WDFY3: variants seen among roughly 807,000 people sequenced by gnomAD.
The protein encoded by WDFY3 is WD repeat and FYVE domain containing 3.
In WDFY3, 66 loss-of-function variants were observed where a neutral mutation model predicts 409.6. The observed-to-expected ratio is 0.16, with a 90% CI of 0.13 to 0.20. The LOEUF is 0.20. WDFY3 is among the 10% of genes least tolerant of loss of function. The probability of loss-of-function intolerance (pLI) is 1.00; values close to 1 mark genes in which losing one functional copy is unlikely to be tolerated. For synonymous variants in WDFY3, 1,521 were observed against 1,537.1 expected, an observed-to-expected ratio of 0.99 and a Z score of 0.25; for missense variants, 3,031 against 4,298.1, an observed-to-expected ratio of 0.71 and a Z score of 8.24.
In WDFY3 at chr4:84,726,347, C is replaced by T. The variant is rs141000269; in HGVS notation, c.7272+514G>A. On this transcript the variant is annotated intron_variant, in intron 45 of 67. Transcript: ENST00000295888. ...CTTTCATCTTTCTGGAATACAAAAA[C>T]GATAATTAACTTTTCTACTAATTAA... is the stretch of plus-strand genomic sequence containing the variant. Among the ~76,000 whole-genome samples, 13 of 151,938 alleles carry T rather than the reference C, an allele frequency of 8.6e-5. No individual in the cohort carries two copies. In the East Asian group the frequency reaches 1.9e-3, roughly 23 times the overall value.
rs146013206 is a variant in WDFY3, at chr4:84,698,322, C to T, written c.8597-1499G>A. On this transcript the variant is annotated intron_variant, in intron 56 of 67. Transcript: ENST00000295888. ...TTTTTTGAGACAGGGTCTTGCTCTG[C>T]TGTCCAGCCTGGAGTGCAGTGGTAT... Among the ~76,000 whole-genome samples the T allele has an allele frequency of 6.3e-3, 941 of 149,838 alleles. 11 individuals are homozygous for T. Among genetic ancestry groups the T allele is most frequent in the African/African-American group, 0.022 (878 of 40,734 alleles).
At chr4:84,702,531 C>CCAGAA in intron 55 of WDFY3, 25 bp from the exon 56 acceptor site, 1 of 1,553,944 alleles carries the variant, frequency 6.4e-7, no homozygotes, top group Non-Finnish European at 8.7e-7. Flanking sequence ...AGACACCTCT[C>CCAGAA]TATTAGAGAA....
chr4:84,794,516 G>T lies in WDFY3; in HGVS notation c.3487+3C>A. The T allele has an allele frequency of 1.9e-6, 3 of 1,610,976 alleles. No homozygotes were observed. Among genetic ancestry groups the T allele is most frequent in the South Asian group, 2.2e-5 (2 of 89,948 alleles). The stretch of plus-strand genomic sequence containing the variant: ...AAAGAAGAAAACAAAAAAAAATACT[G>T]ACCATAATTTTGGAGGAGTTCCTCT... On this transcript the variant is annotated splice_donor_region_variant and intron_variant, in intron 21 of 67. Coordinates refer to ENST00000295888, the MANE Select transcript of WDFY3 (RefSeq NM_014991.6).
At chr4:84,717,498 A>G (rs1453478309) in intron 48 of WDFY3, among the ~76,000 whole-genome samples, 1 of 152,204 alleles carries the variant, frequency 6.6e-6, no homozygotes. Context: ...AATATCTCCT[A>G]GGAATGAACT....
At chr4:84,798,176 C>G (rs1415475777) in intron 17 of WDFY3, 68 bp from the exon 18 acceptor site, 1 of 1,316,026 alleles carries the variant, frequency 7.6e-7, no homozygotes, top group African/African-American at 1.5e-5. Context: ...ACCAAATATT[C>G]AGAAAAAGAA....
At chr4:84,808,280 G>C in intron 15 of WDFY3, 54 bp downstream of exon 15, 1 of 1,408,764 alleles carries the variant, frequency 7.1e-7, no homozygotes, top group South Asian at 1.3e-5. Flanking sequence ...AATAAGCACA[G>C]AAAAAAAGGA....
chr4:84,708,845 T>C (rs1009335441), intron 53 of WDFY3, 64 bp downstream of exon 53: 10 of 1,574,300 alleles, frequency 6.4e-6, no homozygotes, highest in South Asian at 3.4e-5. Flanking sequence ...CCCACTTCAA[T>C]TGTCGTATTT....
At position 84,818,866 on chromosome 4, in the gene WDFY3, G is replaced by A. The variant is rs574070657; in HGVS notation, c.1693+1219C>T. On this transcript the variant is annotated intron_variant, in intron 12 of 67. Transcript: ENST00000295888. ...GATATGTACTAAGTGACTTTTAGTCGTGCAGAGTAAGCTCTCCAATTGTCC... is the reference window on the plus strand; with the variant it reads ...GATATGTACTAAGTGACTTTTAGTCATGCAGAGTAAGCTCTCCAATTGTCC... 5.3e-5 allele frequency among the ~76,000 whole-genome samples: 8 copies of A among 152,170 alleles called. No homozygotes were observed. In the South Asian group the frequency reaches 1.0e-3, roughly 20 times the overall value.
chr4:84,702,930 A>C (rs896527116), intron 55 of WDFY3, among the ~76,000 whole-genome samples: 1 of 152,222 alleles, frequency 6.6e-6, no homozygotes, highest in Middle Eastern at 3.4e-3. Context: ...CCCCGTCTCT[A>C]CTAAAAATAC....
intron 10 of WDFY3, among the ~76,000 whole-genome samples, chr4:84,822,743 T>C (rs1341782617): frequency 6.6e-6 from 1 of 151,978 alleles, no homozygotes; most frequent in African/African-American, 2.4e-5. Context: ...CAAAAAAGAA[T>C]GCTCAGAAAT....
intron 17 of WDFY3, among the ~76,000 whole-genome samples, chr4:84,800,489 CT>C (rs1264432529): frequency 1.3e-5 from 2 of 152,166 alleles, no homozygotes; most frequent in Non-Finnish European, 2.9e-5. Flanking sequence ...TACATCCATA[CT>C]GTGGAACATT....
At chr4:84,943,744 A>C (rs1490825928) in intron 1 of WDFY3, among the ~76,000 whole-genome samples, 1 of 152,236 alleles carries the variant, frequency 6.6e-6, no homozygotes, top group Non-Finnish European at 1.5e-5. Context: ...TTTAAAGGTG[A>C]CAAAATCATC....
chr4:84,844,482 T>A, intron 5 of WDFY3: 2 of 1,289,712 alleles, frequency 1.6e-6, no homozygotes, highest in Non-Finnish European at 2.0e-6. Flanking sequence ...TTTGAAATCC[T>A]TGGGGGACAG....
intron 56 of WDFY3, among the ~76,000 whole-genome samples, chr4:84,697,767 G>A (rs1195559983): frequency 6.6e-6 from 1 of 152,170 alleles, no homozygotes; most frequent in Non-Finnish European, 1.5e-5. Flanking sequence ...ATAGCAGTTG[G>A]TTAGATAAAT....
chr4:84,949,432 AT>A (rs974616113), intron 1 of WDFY3, among the ~76,000 whole-genome samples: 9 of 152,198 alleles, frequency 5.9e-5, no homozygotes, highest in African/African-American at 2.2e-4. Flanking sequence ...ACTACATTAC[AT>A]TTTGTAAATA....
At chr4:84,785,664 G>A (rs1054030938) in intron 24 of WDFY3, among the ~76,000 whole-genome samples, 3 of 152,144 alleles carry the variant, frequency 2.0e-5, no homozygotes, top group African/African-American at 7.2e-5. Flanking sequence ...TAGGTCATTC[G>A]TTAAAAAGTT....
rs1752595547 is a variant in WDFY3, at chr4:84,812,117, T to G, written c.1888-1773A>C. Among the ~76,000 whole-genome samples the G allele has an allele frequency of 3.3e-5, 5 of 152,172 alleles. No homozygotes were observed. In the South Asian group the frequency reaches 1.0e-3, roughly 32 times the overall value. ...ATACTGTTTCAGAAGTTATGAAGAT[T>G]TCATTGTTCACACCTATTCCTTAAT... is the stretch of plus-strand genomic sequence containing the variant. On this transcript the variant is annotated intron_variant, in intron 13 of 67. Coordinates refer to ENST00000295888, the MANE Select transcript of WDFY3 (RefSeq NM_014991.6).
At chr4:84,737,101 T>C (rs1737575813) in intron 41 of WDFY3, 83 bp downstream of exon 41, 2 of 1,433,528 alleles carry the variant, frequency 1.4e-6, no homozygotes, top group East Asian at 2.3e-5. Context: ...CTTTTGTGAA[T>C]GCTGTAGTCA....
At chr4:84,751,048 T>C (rs899892797) in intron 36 of WDFY3, among the ~76,000 whole-genome samples, 1 of 152,286 alleles carries the variant, frequency 6.6e-6, no homozygotes, top group African/African-American at 2.4e-5. Flanking sequence ...GTTGGCACAC[T>C]ATGGCCTGTG....
Sources: gnomAD v4.1 joint callset for allele counts (sites outside exome capture counted in the v4.1 genomes callset) on GRCh38, gnomAD v4.1.1 for gene constraint, MANE v1.5 for transcripts, NCBI Gene and HGNC (gene_info 2026-07-23, HGNC 2026-07-21) for gene names.